Variants in CFAP20DC observed in about 807,000 individuals in gnomAD.
CFAP20DC encodes the protein CFAP20 domain containing, also known as protein CFAP20DC.
CFAP20DC carries 84 observed loss-of-function variants against 101.7 expected under a neutral mutation model. The ratio of observed to expected loss-of-function variants is 0.83; its 90% confidence interval spans 0.69 to 0.99. The LOEUF is 0.99. Ranked by LOEUF, CFAP20DC falls within the 50% of genes least tolerant of loss-of-function variation. The pLI is 0.00. For missense variants in CFAP20DC, 1,007 were observed against 970.3 expected (o/e 1.04, Z -0.50); for synonymous variants, 359 against 351.2 (o/e 1.02, Z -0.25).
intron 15 of CFAP20DC, among the ~76,000 whole-genome samples, chr3:58,757,496 T>C (rs1408223430): frequency 6.6e-6 from 1 of 152,056 alleles, no homozygotes; most frequent in Non-Finnish European, 1.5e-5. Flanking sequence ...TTTATGGTGG[T>C]TTTTCTTTGT....
chr3:58,769,757 C>T (rs2070672261), intron 15 of CFAP20DC, among the ~76,000 whole-genome samples: 1 of 152,266 alleles, frequency 6.6e-6, no homozygotes, highest in Middle Eastern at 3.4e-3. Flanking sequence ...CACATCTCTA[C>T]CATAGCAAAA....
chr3:59,023,697 T>C (rs983097474), intron 4 of CFAP20DC, among the ~76,000 whole-genome samples: 1 of 152,116 alleles, frequency 6.6e-6, no homozygotes, highest in Non-Finnish European at 1.5e-5. Context: ...TCCTACGGAC[T>C]TGGGCTAAGA....
chr3:58,944,800 T>G (rs1202189114), intron 4 of CFAP20DC, among the ~76,000 whole-genome samples: 2 of 152,118 alleles, frequency 1.3e-5, no homozygotes, highest in East Asian at 3.8e-4. Context: ...AATTTGTGCC[T>G]CCATCCATGA....
In CFAP20DC at chr3:58,786,501, G is replaced by A. The variant is rs1159708536; in HGVS notation, c.2237+19894C>T. On this transcript the variant is annotated intron_variant, in intron 15 of 16. Transcript: ENST00000482387. ...ATTCATAAATTTTAAATCAAGTACT[G>A]TTCTGAATTTGTGAAATCTTGTGCT... Among the ~76,000 whole-genome samples the A allele has an allele frequency of 2.0e-5, 3 of 152,170 alleles. No homozygotes were observed. The East Asian group carries it at 5.8e-4, about 30-fold the overall frequency.
chr3:58,985,178 T>C (rs1448624926), intron 4 of CFAP20DC, among the ~76,000 whole-genome samples: 1 of 152,210 alleles, frequency 6.6e-6, no homozygotes, highest in African/African-American at 2.4e-5. Flanking sequence ...TCCTCCTGCC[T>C]TGGCCTCCCA....
At chr3:58,896,185 G>A (rs557653617) in intron 6 of CFAP20DC, among the ~76,000 whole-genome samples, 75 of 152,292 alleles carry the variant, frequency 4.9e-4, no homozygotes, top group African/African-American at 1.7e-3. Context: ...GTGCATAGAG[G>A]TGTTTATACT....
chr3:58,906,642 G>C (rs1209215760), intron 6 of CFAP20DC, among the ~76,000 whole-genome samples: 1 of 152,172 alleles, frequency 6.6e-6, no homozygotes, highest in African/African-American at 2.4e-5. Context: ...TCAAGATGCA[G>C]TACAGGGCTA....
chr3:58,960,647 G>A (rs1247127510), intron 4 of CFAP20DC, among the ~76,000 whole-genome samples: 2 of 151,982 alleles, frequency 1.3e-5, no homozygotes, highest in Non-Finnish European at 2.9e-5. Flanking sequence ...CAACTTTGCT[G>A]AACTTGTTCA....
intron 4 of CFAP20DC, among the ~76,000 whole-genome samples, chr3:58,978,122 A>C (rs1035477012): frequency 2.0e-5 from 3 of 152,042 alleles, no homozygotes; most frequent in Non-Finnish European, 4.4e-5. Flanking sequence ...AAAAAGAGAG[A>C]AAAAAATGCG....
intron 5 of CFAP20DC, among the ~76,000 whole-genome samples, chr3:58,932,487 T>C (rs1489895877): frequency 1.3e-5 from 2 of 151,908 alleles, no homozygotes; most frequent in Non-Finnish European, 1.5e-5. Flanking sequence ...TCACCAAAGT[T>C]GAAATGAAGG....
chr3:58,939,294 C>T (rs1040124316), intron 4 of CFAP20DC, among the ~76,000 whole-genome samples: 1 of 152,010 alleles, frequency 6.6e-6, no homozygotes, highest in African/African-American at 2.4e-5. Flanking sequence ...TATTAGGTCT[C>T]TTCTGTAAGT....
intron 1 of CFAP20DC, among the ~76,000 whole-genome samples, chr3:59,047,766 G>A (rs1699980690): frequency 6.6e-6 from 1 of 152,116 alleles, no homozygotes; most frequent in Non-Finnish European, 1.5e-5. Context: ...TGTAAAATGG[G>A]TTGTTGGATT....
chr3:59,019,277 G>T (rs1307177100), intron 4 of CFAP20DC, among the ~76,000 whole-genome samples: 3 of 152,012 alleles, frequency 2.0e-5, no homozygotes, highest in Non-Finnish European at 4.4e-5. Flanking sequence ...GGAGGCAGTT[G>T]TGTCTTGGCT....
chr3:58,983,549 A>G (rs2092655477), intron 4 of CFAP20DC, among the ~76,000 whole-genome samples: 1 of 152,234 alleles, frequency 6.6e-6, no homozygotes, highest in Admixed American at 6.5e-5. Context: ...CTAATGGGAA[A>G]GCATAAAAGA....
chr3:58,865,712 T>C (rs995127455), intron 11 of CFAP20DC, among the ~76,000 whole-genome samples: 3 of 152,236 alleles, frequency 2.0e-5, no homozygotes, highest in African/African-American at 7.2e-5. Flanking sequence ...GGTTGCATTA[T>C]GTATATGGAT....
At chr3:58,747,064 T>C (rs969616609) in intron 16 of CFAP20DC, among the ~76,000 whole-genome samples, 5 of 152,174 alleles carry the variant, frequency 3.3e-5, no homozygotes, top group African/African-American at 7.2e-5. Context: ...TATTTAAAGA[T>C]TGGCTACAGA....
At position 59,014,832 on chromosome 3, in the gene CFAP20DC, T is replaced by G. The variant is rs1400115972; in HGVS notation, c.278+24725A>C. ...TATGTAGTACTACTCCTTAGCAGTATGCTTGACTGGTTTGTGAGGCTCCGT... is the reference window on the plus strand; with the variant it reads ...TATGTAGTACTACTCCTTAGCAGTAGGCTTGACTGGTTTGTGAGGCTCCGT... On this transcript the variant is annotated intron_variant, in intron 4 of 16. Transcript: ENST00000482387. This position sits in a 1 kb window ranked among gnomAD's most constrained non-coding sequence, Gnocchi z 4.9. Among the ~76,000 whole-genome samples, 2 of 152,116 alleles carry G rather than the reference T, an allele frequency of 1.3e-5. No individual in the cohort carries two copies.
intron 3 of CFAP20DC, among the ~76,000 whole-genome samples, chr3:58,736,816 C>A (rs564181575): frequency 9.8e-5 from 15 of 152,294 alleles, no homozygotes; most frequent in African/African-American, 2.9e-4. Context: ...TAATGCCTCA[C>A]AGAATTACAG....
intron 4 of CFAP20DC, chr3:59,018,191 T>C (rs1000177214): frequency 1.2e-4 from 18 of 152,074 alleles, no homozygotes; most frequent in Middle Eastern, 3.2e-3. Flanking sequence ...CTATGCTAGG[T>C]AGACAACTAA....
Sources: gnomAD v4.1 joint callset for allele counts (sites outside exome capture counted in the v4.1 genomes callset) on GRCh38, gnomAD v4.1.1 for gene constraint, Gnocchi (gnomAD v3.1) non-coding constraint, MANE v1.5 for transcripts, NCBI Gene and HGNC (gene_info 2026-07-23, HGNC 2026-07-21) for gene names.